FNBP4: variants seen among roughly 807,000 people sequenced by gnomAD.
FNBP4 encodes the protein formin binding protein 4.
In FNBP4, 34 loss-of-function variants were observed where a neutral mutation model predicts 119.3. The observed-to-expected ratio is 0.28, with a 90% CI of 0.22 to 0.38. FNBP4 has a LOEUF of 0.38. Ranked by LOEUF, FNBP4 falls within the 10% of genes least tolerant of loss-of-function variation. The pLI, the probability that FNBP4 is intolerant of heterozygous loss-of-function variation, is 1.00. For missense variants in FNBP4, 1,112 were observed against 1,228.9 expected (o/e 0.90, Z 1.42); for synonymous variants, 462 against 430.6 (o/e 1.07, Z -0.90).
In FNBP4 at chr11:47,751,163, T is replaced by C; in HGVS notation, c.765A>G (p.Gly255=). 1.3e-5 allele frequency: 21 copies of C among 1,614,196 alleles called. No homozygotes were observed. Among genetic ancestry groups the C allele is most frequent in the Non-Finnish European group, 1.8e-5 (21 of 1,180,042 alleles). The part of the protein sequence containing the change: ...LPQYLATQVQ[G]LQHYQPSSVP... ...CTTACCTGGGCTGGTAATGCTGTAA[T>C]CCCTGTACCTGTGTGGCAAGATATT... The change falls in exon 5 of 17, where the codon GGA becomes GGG. Residue 255 remains glycine (G), a synonymous_variant. Transcript: ENST00000263773.
At chr11:47,745,256 G>A in intron 7 of FNBP4, among the ~76,000 whole-genome samples, 1 of 152,142 alleles carries the variant, frequency 6.6e-6, no homozygotes, top group East Asian at 1.9e-4. Flanking sequence ...CAGGCAAAAA[G>A]AGCCATATTT....
intron 8 of FNBP4, among the ~76,000 whole-genome samples, chr11:47,738,195 A>G (rs570983321): frequency 5.3e-5 from 8 of 152,214 alleles, no homozygotes; most frequent in Non-Finnish European, 1.2e-4. Flanking sequence ...GGAGCACACA[A>G]TATGAACTCT....
At chr11:47,754,869 C>T (rs1295902930) in intron 2 of FNBP4, among the ~76,000 whole-genome samples, 1 of 151,970 alleles carries the variant, frequency 6.6e-6, no homozygotes, top group Non-Finnish European at 1.5e-5. Context: ...AGGCCTGGTG[C>T]AGTGGCTCAA....
intron 2 of FNBP4, among the ~76,000 whole-genome samples, chr11:47,757,758 T>C (rs1426510220): frequency 6.6e-6 from 1 of 152,074 alleles, no homozygotes; most frequent in Non-Finnish European, 1.5e-5. Context: ...CCTCCCAAAG[T>C]GCTGGGACTA....
At chr11:47,731,238 C>A in intron 12 of FNBP4, 136 bp downstream of exon 12, 2 of 795,848 alleles carry the variant, frequency 2.5e-6, no homozygotes, top group South Asian at 2.5e-5. Context: ...TCATGCATTC[C>A]TTGTTTTAGT....
Position 47,723,054 on chromosome 11 carries a change from AGGTGGT to A in FNBP4, c.2721_2726del (p.Pro917_Pro918del), listed in dbSNP as rs762287139. ...GTGGTGGTGGAGGAGGAGGAGGAGG[AGGTGGT>A]GGTGGTGGTTCTATAATGGTAGCGG... On this transcript the variant is annotated inframe_deletion, in exon 15 of 17. Transcript: ENST00000263773. The A allele has an allele frequency of 5.0e-6, 8 of 1,585,514 alleles. No individual in the cohort carries two copies. In the African/African-American group the frequency reaches 8.1e-5, roughly 16 times the overall value.
intron 12 of FNBP4, among the ~76,000 whole-genome samples, chr11:47,727,272 C>CTTTTT (rs1565124686): frequency 4.6e-5 from 6 of 129,596 alleles, no homozygotes; most frequent in Non-Finnish European, 8.2e-5. Context: ...TTTTTTGTGA[C>CTTTTT]GGAGTCTCAC....
intron 16 of FNBP4, among the ~76,000 whole-genome samples, chr11:47,718,667 A>G (rs1214482533): frequency 1.3e-5 from 2 of 152,224 alleles, no homozygotes; most frequent in African/African-American, 4.8e-5. Flanking sequence ...TGGCATCAGT[A>G]ATAGACAGCT....
rs1027369219 is a variant in FNBP4, at chr11:47,744,136, C to T, written c.1273G>A (p.Asp425Asn). The change falls in exon 8 of 17, where the codon GAT (aspartate) becomes AAT (asparagine). Residue 425 changes from aspartate (D) to asparagine (N), a missense_variant. Around this residue, in one of 2 missense-constraint regions of FNBP4, gnomAD observed 826 missense variants for 988.8 expected, o/e 0.84. Transcript: ENST00000263773. ...KAELRALEEG[D>N]GSVSGSSPRS... ...GGACTAGACCCTGACACACTACCATCTCCTTCCTCCAAGGCTCGCAACTCT... is the reference window on the plus strand; with the variant it reads ...GGACTAGACCCTGACACACTACCATTTCCTTCCTCCAAGGCTCGCAACTCT... The T allele has an allele frequency of 7.4e-6, 12 of 1,614,138 alleles. No homozygotes were observed. Among genetic ancestry groups the T allele is most frequent in the Non-Finnish European group, 1.0e-5 (12 of 1,180,004 alleles).
chr11:47,727,101 G>A (rs1418262491), intron 12 of FNBP4: 1 of 152,136 alleles, frequency 6.6e-6, no homozygotes, highest in Non-Finnish European at 1.5e-5. Context: ...TAAACACAGA[G>A]TCGGTTCAAG....
intron 8 of FNBP4, among the ~76,000 whole-genome samples, chr11:47,740,226 C>T (rs576482694): frequency 4.2e-4 from 64 of 151,868 alleles, no homozygotes; most frequent in African/African-American, 1.5e-3. Context: ...ATTAGCCTGG[C>T]CAACATGATA....
intron 7 of FNBP4, 39 bp downstream of exon 7, chr11:47,746,017 G>C: frequency 6.6e-7 from 1 of 1,513,302 alleles, no homozygotes; most frequent in South Asian, 1.3e-5. Context: ...GAGTAGTACT[G>C]AGGAAAAAAC....
Position 47,740,935 on chromosome 11 carries a change from C to A in FNBP4, c.1456+3018G>T, listed in dbSNP as rs147203932. ...ATGGAGTCTCATTCTATTGCCCAGG[C>A]TGGAGTGCAGTGGTGCCATCTCAGC... On this transcript the variant is annotated intron_variant, in intron 8 of 16. Transcript: ENST00000263773. Among the ~76,000 whole-genome samples, 94 of 150,730 alleles carry A rather than the reference C, an allele frequency of 6.2e-4. 2 individuals carry two copies. Among genetic ancestry groups the A allele is most frequent in the African/African-American group, 2.3e-3 (92 of 40,542 alleles).
At chr11:47,735,197 A>G (rs1215476332) in intron 9 of FNBP4, among the ~76,000 whole-genome samples, 1 of 152,166 alleles carries the variant, frequency 6.6e-6, no homozygotes, top group Non-Finnish European at 1.5e-5. Flanking sequence ...TACATGCAAG[A>G]TATATGTATA....
At chr11:47,734,203 A>G in intron 9 of FNBP4, 74 bp from the exon 10 acceptor site, 1 of 769,490 alleles carries the variant, frequency 1.3e-6, no homozygotes, top group Non-Finnish European at 2.0e-6. Flanking sequence ...TCCTTCATTT[A>G]TTCTTATAGA....
chr11:47,741,238 T>C (rs978149228), intron 8 of FNBP4, among the ~76,000 whole-genome samples: 3 of 151,516 alleles, frequency 2.0e-5, no homozygotes, highest in Non-Finnish European at 2.9e-5. Flanking sequence ...GGTGTAATCA[T>C]AGCTCACTGC....
At chr11:47,727,901 T>C (rs942820871) in intron 12 of FNBP4, among the ~76,000 whole-genome samples, 1 of 152,188 alleles carries the variant, frequency 6.6e-6, no homozygotes, top group Non-Finnish European at 1.5e-5. Flanking sequence ...TTTTTTTAGA[T>C]GGACTCTTGC....
chr11:47,731,335 GT>G (rs1183777763), intron 12 of FNBP4, 38 bp downstream of exon 12: 1 of 1,525,438 alleles, frequency 6.6e-7, no homozygotes, highest in Non-Finnish European at 8.8e-7. Context: ...TTCCTCTAAA[GT>G]CATTTTGGCT....
rs936906996 is a variant in FNBP4, at chr11:47,734,110, G to A, written c.1601C>T (p.Ala534Val). 1 of 1,581,222 alleles carries A rather than the reference G, an allele frequency of 6.3e-7. No homozygotes were observed. Among genetic ancestry groups the A allele is most frequent in the Non-Finnish European group, 8.5e-7 (1 of 1,171,198 alleles). ...QDLKFQIGEL[A>V]NTLTSKFEFL... is the part of the protein sequence containing the mutation. The stretch of plus-strand genomic sequence containing the variant: ...CTCGAATTTACTTGTCAGGGTATTT[G>A]CCAGTTCTCCAATCTGAAACTACAA... Residue 534 changes from alanine to valine, a missense_variant, in exon 10 of 17, where the codon GCA becomes GTA. By Grantham distance (64) the Ala-to-Val change is moderately conservative. Around this residue, in one of 2 missense-constraint regions of FNBP4, gnomAD observed 826 missense variants for 988.8 expected, o/e 0.84. Coordinates refer to ENST00000263773, the MANE Select transcript of FNBP4 (RefSeq NM_015308.5).
Sources: gnomAD v4.1 joint callset for allele counts (sites outside exome capture counted in the v4.1 genomes callset) on GRCh38, gnomAD v4.1.1 for gene constraint, gnomAD v4.1.1 regional missense constraint, MANE v1.5 for transcripts, NCBI Gene and HGNC (gene_info 2026-07-23, HGNC 2026-07-21) for gene names.